The following EPHA6 variants were observed in gnomAD, a reference collection of about 807,000 sequenced individuals.
EPHA6 encodes ephrin type-A receptor 6.
EPHA6 carries 50 observed loss-of-function variants against 112.0 expected under a neutral mutation model. That is an observed-to-expected ratio of 0.45 (90% confidence interval 0.36 to 0.56). The LOEUF (loss-of-function observed/expected upper bound fraction) is 0.56, where lower values mean the gene tolerates loss of function less well. Among genes scored for constraint, EPHA6 ranks in the 20% least tolerant of loss-of-function variants. The probability of loss-of-function intolerance (pLI) is 0.00; values close to 1 mark genes in which losing one functional copy is unlikely to be tolerated. For synonymous variants in EPHA6, 529 were observed against 490.7 expected (o/e 1.08, Z -1.03); for missense variants, 1,280 against 1,417.4 (o/e 0.90, Z 1.56).
chr3:97,160,925 T>C (rs147917736), intron 3 of EPHA6, among the ~76,000 whole-genome samples: 1 of 152,234 alleles, frequency 6.6e-6, no homozygotes, highest in African/African-American at 2.4e-5. Flanking sequence ...GCTTTTCTTT[T>C]GTTTCAACCA....
rs544813279 is a variant in EPHA6 at position 97,421,125 on chromosome 3, A to C, written c.1731+15851A>C. Among the ~76,000 whole-genome samples the C allele has an allele frequency of 1.6e-4, 25 of 152,160 alleles. No homozygotes were observed. The South Asian group carries it at 1.7e-3, about 10-fold the overall frequency. ...ATTACACTACTTCTCCCAAAACAAG[A>C]ACTACATAAAAATGTCCATTATCAA... On this transcript the variant is annotated intron_variant, in intron 6 of 17. Transcript: ENST00000389672.
chr3:97,070,094 G>A (rs189568573), intron 3 of EPHA6, among the ~76,000 whole-genome samples: 16 of 152,148 alleles, frequency 1.1e-4, no homozygotes, highest in Non-Finnish European at 1.9e-4. Flanking sequence ...TCGATGCTCT[G>A]ATCTAAAAGA....
chr3:97,124,435 T>C (rs1304648880), intron 3 of EPHA6, among the ~76,000 whole-genome samples: 2 of 150,840 alleles, frequency 1.3e-5, no homozygotes, highest in Non-Finnish European at 2.9e-5. Context: ...CAGAAAAGTT[T>C]GCCCTGAATG....
chr3:97,023,502 T>C (rs1002388974), intron 3 of EPHA6, among the ~76,000 whole-genome samples: 12 of 152,136 alleles, frequency 7.9e-5, no homozygotes, highest in Admixed American at 6.6e-5. Flanking sequence ...CTTTATAATT[T>C]ACCTTCTAAG....
chr3:97,735,160 A>G (rs2035200255), intron 15 of EPHA6, among the ~76,000 whole-genome samples: 1 of 152,038 alleles, frequency 6.6e-6, no homozygotes, highest in Non-Finnish European at 1.5e-5. Flanking sequence ...TCATTCTAGT[A>G]GCTGTATTTC....
chr3:96,848,473 G>A (rs115797370), intron 1 of EPHA6, among the ~76,000 whole-genome samples: 2,753 of 151,752 alleles, frequency 0.018, 73 homozygotes, highest in African/African-American at 0.05. Context: ...CTAAAAATAC[G>A]AAAATTAGCT....
chr3:97,662,927 T>G (rs2094179477), intron 14 of EPHA6, among the ~76,000 whole-genome samples: 1 of 152,180 alleles, frequency 6.6e-6, no homozygotes. Flanking sequence ...GAGGCCACCC[T>G]AAAGCCTGCT....
chr3:97,554,720 G>A (rs1006708914), intron 11 of EPHA6, among the ~76,000 whole-genome samples: 1 of 151,902 alleles, frequency 6.6e-6, no homozygotes, highest in African/African-American at 2.4e-5. Flanking sequence ...GTTACATTAA[G>A]AACAGTTCCT....
At chr3:96,859,517 G>A (rs2107418808) in intron 1 of EPHA6, among the ~76,000 whole-genome samples, 1 of 151,712 alleles carries the variant, frequency 6.6e-6, no homozygotes, top group East Asian at 1.9e-4. Context: ...GAGTAACTGG[G>A]ATTACAGGCA....
intron 3 of EPHA6, among the ~76,000 whole-genome samples, chr3:97,118,699 A>G (rs1454552192): frequency 3.3e-5 from 5 of 151,890 alleles, no homozygotes; most frequent in South Asian, 2.1e-4. Context: ...TTTCCAGTCT[A>G]TAGTACCCAT....
chr3:97,234,003 A>T (rs188575157), intron 4 of EPHA6, among the ~76,000 whole-genome samples: 1 of 152,098 alleles, frequency 6.6e-6, no homozygotes, highest in Admixed American at 6.5e-5. Flanking sequence ...CAAACCTAAA[A>T]TTTTTCTAGT....
intron 1 of EPHA6, among the ~76,000 whole-genome samples, chr3:96,829,572 T>C (rs1035380976): frequency 6.6e-6 from 1 of 152,134 alleles, no homozygotes; most frequent in African/African-American, 2.4e-5. Context: ...CCTCCTCTTC[T>C]TGGGAATTAC....
At chr3:97,645,118 G>A (rs1163229009) in intron 14 of EPHA6, among the ~76,000 whole-genome samples, 1 of 151,838 alleles carries the variant, frequency 6.6e-6, no homozygotes, top group Non-Finnish European at 1.5e-5. Context: ...GATTCCTCAG[G>A]GATCTACAAC....
chr3:97,756,459 T>G lies in EPHA6; in HGVS notation c.*7758T>G, dbSNP rs2036028691. 6.6e-6 allele frequency among the ~76,000 whole-genome samples: 1 copy of G among 151,946 alleles called. No individual in the cohort carries two copies. Among genetic ancestry groups the G allele is most frequent in the African/African-American group, 2.4e-5 (1 of 41,442 alleles). ...AATGCTGAATATCATACATAGTTAA[T>G]AAACAATGATTGGAGCTTTTCAAAA... On this transcript the variant is annotated 3_prime_UTR_variant, in exon 18 of 18. Coordinates refer to ENST00000389672, the MANE Select transcript of EPHA6 (RefSeq NM_001080448.3).
intron 3 of EPHA6, among the ~76,000 whole-genome samples, chr3:97,024,569 T>C (rs1011635): frequency 0.16 from 24,515 of 152,184 alleles, 3,586 homozygotes; most frequent in African/African-American, 0.39. Context: ...CTTTATTCTT[T>C]GAGAAGCTAA....
intron 2 of EPHA6, among the ~76,000 whole-genome samples, chr3:96,983,412 G>C (rs921240532): frequency 4.6e-5 from 7 of 152,120 alleles, no homozygotes; most frequent in African/African-American, 9.7e-5. Flanking sequence ...GAGTTTCTGC[G>C]GAGAGATCAG....
chr3:97,718,756 G>A (rs535727876), intron 14 of EPHA6, among the ~76,000 whole-genome samples: 1 of 152,102 alleles, frequency 6.6e-6, no homozygotes, highest in Admixed American at 6.5e-5. Context: ...TGAAAACCTC[G>A]GGCTTCAGGC....
intron 3 of EPHA6, among the ~76,000 whole-genome samples, chr3:97,190,437 A>T (rs554912570): frequency 6.6e-6 from 1 of 152,192 alleles, no homozygotes; most frequent in East Asian, 1.9e-4. Context: ...TCTGAGGTGC[A>T]TGCCACTCTT....
At chr3:97,001,234 CCTT>C (rs2043652081) in intron 3 of EPHA6, among the ~76,000 whole-genome samples, 1 of 151,614 alleles carries the variant, frequency 6.6e-6, no homozygotes, top group African/African-American at 2.4e-5. Context: ...TTGTGGTAAA[CCTT>C]CTGCAATAAC....
Sources: gnomAD v4.1 joint callset for allele counts (sites outside exome capture counted in the v4.1 genomes callset) on GRCh38, gnomAD v4.1.1 for gene constraint, MANE v1.5 for transcripts, NCBI Gene and HGNC (gene_info 2026-07-23, HGNC 2026-07-21) for gene names.